The following ADAMTSL3 variants were observed in gnomAD, a reference collection of about 807,000 sequenced individuals.
The protein encoded by ADAMTSL3 is ADAMTS like 3.
ADAMTSL3 carries 128 observed loss-of-function variants against 201.7 expected under a neutral mutation model. The ratio of observed to expected loss-of-function variants is 0.63; its 90% CI spans 0.55 to 0.73. ADAMTSL3 has a LOEUF of 0.73. Among genes scored for constraint, ADAMTSL3 ranks in the 30% least tolerant of loss-of-function variants. The pLI, the probability that ADAMTSL3 is intolerant of heterozygous loss-of-function variation, is 0.00. For synonymous variants in ADAMTSL3, 738 were observed against 748.4 expected, an observed-to-expected ratio of 0.99 and a Z score of 0.23; for missense variants, 1,990 against 2,119.6, an observed-to-expected ratio of 0.94 and a Z score of 1.20.
chr15:83,703,188 C>T (rs567247850), intron 2 of ADAMTSL3, among the ~76,000 whole-genome samples: 1 of 152,278 alleles, frequency 6.6e-6, no homozygotes, highest in East Asian at 1.9e-4. Flanking sequence ...TATCCAATAC[C>T]TATACCCTCA....
chr15:83,861,698 C>G (rs1165713257), intron 8 of ADAMTSL3: 1 of 152,276 alleles, frequency 6.6e-6, no homozygotes, highest in Admixed American at 6.5e-5. Flanking sequence ...ACTGGAAACT[C>G]TAAAAATCAG....
At chr15:84,031,477 C>G in intron 28 of ADAMTSL3, 45 bp downstream of exon 28, 3 of 1,516,208 alleles carry the variant, frequency 2.0e-6, no homozygotes, top group Non-Finnish European at 1.8e-6. Flanking sequence ...TCCTGACTCA[C>G]TCAGGACAAT....
chr15:83,881,108 C>T (rs924917891), intron 9 of ADAMTSL3, among the ~76,000 whole-genome samples: 2 of 152,220 alleles, frequency 1.3e-5, no homozygotes, highest in African/African-American at 4.8e-5. Context: ...CAGTCTAACA[C>T]TCTTCCAACT....
chr15:83,741,436 A>T (rs74793148), intron 3 of ADAMTSL3, among the ~76,000 whole-genome samples: 1 of 151,916 alleles, frequency 6.6e-6, no homozygotes, highest in African/African-American at 2.4e-5. Context: ...TCAACATAGA[A>T]CACTACTAAA....
chr15:83,672,997 G>A (rs1018347996), intron 2 of ADAMTSL3, among the ~76,000 whole-genome samples: 27 of 152,216 alleles, frequency 1.8e-4, no homozygotes, highest in South Asian at 1.2e-3. Flanking sequence ...GAGCACTTAT[G>A]CTGCACCCTC....
chr15:83,969,677 C>A (rs1254720806), intron 19 of ADAMTSL3, among the ~76,000 whole-genome samples: 2 of 152,186 alleles, frequency 1.3e-5, no homozygotes, highest in African/African-American at 4.8e-5. Context: ...CTAAAATTGT[C>A]AAACTCATAG....
chr15:83,735,252 A>G (rs1204615645), intron 3 of ADAMTSL3, among the ~76,000 whole-genome samples: 2 of 152,150 alleles, frequency 1.3e-5, no homozygotes, highest in African/African-American at 4.8e-5. Context: ...AGCTCTCCAT[A>G]CTTACTACAG....
At chr15:83,724,794 A>G (rs749819022) in intron 3 of ADAMTSL3, among the ~76,000 whole-genome samples, 2 of 152,162 alleles carry the variant, frequency 1.3e-5, no homozygotes, top group Non-Finnish European at 2.9e-5. Flanking sequence ...ATAACTGAGA[A>G]CATGTGAAGT....
chr15:83,824,808 A>G (rs1242971685), intron 6 of ADAMTSL3: 1 of 152,136 alleles, frequency 6.6e-6, no homozygotes, highest in Non-Finnish European at 1.5e-5. Context: ...GTGTCTTTTC[A>G]TGGCTTGATA....
At chr15:83,977,005 A>G (rs150933694) in intron 20 of ADAMTSL3, among the ~76,000 whole-genome samples, 42 of 152,298 alleles carry the variant, frequency 2.8e-4, no homozygotes, top group African/African-American at 8.7e-4. Flanking sequence ...CCCCCAAGCC[A>G]TGGACGGATA....
At chr15:83,968,082 A>G (rs758319340) in intron 19 of ADAMTSL3, among the ~76,000 whole-genome samples, 7 of 152,226 alleles carry the variant, frequency 4.6e-5, no homozygotes, top group Non-Finnish European at 8.8e-5. Flanking sequence ...TAAAAACCCT[A>G]TAAGAAAAAC....
intron 2 of ADAMTSL3, among the ~76,000 whole-genome samples, chr15:83,691,599 G>GTTACAT (rs949670098): frequency 6.6e-6 from 1 of 152,116 alleles, no homozygotes; most frequent in Admixed American, 6.5e-5. Context: ...CCAAAACCAA[G>GTTACAT]TTACATTTTC....
intron 3 of ADAMTSL3, among the ~76,000 whole-genome samples, chr15:83,766,610 A>T (rs2062895976): frequency 6.6e-6 from 1 of 152,158 alleles, no homozygotes; most frequent in Non-Finnish European, 1.5e-5. Context: ...GCTGTATTTG[A>T]CTGGATTCCT....
intron 3 of ADAMTSL3, among the ~76,000 whole-genome samples, chr15:83,720,092 G>A (rs546065487): frequency 6.6e-6 from 1 of 152,276 alleles, no homozygotes; most frequent in East Asian, 1.9e-4. Flanking sequence ...GGTGGCTTAT[G>A]CCTGTAATCC....
chr15:83,827,080 T>C (rs1000358762), intron 6 of ADAMTSL3, among the ~76,000 whole-genome samples: 34 of 152,272 alleles, frequency 2.2e-4, no homozygotes, highest in East Asian at 1.2e-3. Context: ...CCTGAGGAAT[T>C]GCCACACTGA....
intron 4 of ADAMTSL3, among the ~76,000 whole-genome samples, chr15:83,784,122 A>G (rs2063221665): frequency 6.6e-6 from 1 of 152,120 alleles, no homozygotes; most frequent in African/African-American, 2.4e-5. Flanking sequence ...GCTTTCCTTC[A>G]TTTGGAGATA....
At position 83,870,928 on chromosome 15, in the gene ADAMTSL3, C is replaced by T; in HGVS notation, c.929C>T (p.Pro310Leu). ...RGSERQTFKI[P>L]GPLMADFIFK... is the part of the protein sequence containing the mutation. ...TCCGAGAGGCAAACTTTTAAGATTC[C>T]AGGACCTCTGATGGCTGATTTCATC... Residue 310 changes from proline (P) to leucine (L), a missense_variant, in exon 9 of 30, where the codon CCA (proline) becomes CTA (leucine). Pro to Leu is a moderately conservative substitution (Grantham distance 98). Coordinates refer to ENST00000286744, the MANE Select transcript of ADAMTSL3 (RefSeq NM_207517.3). 6.2e-7 allele frequency: 1 copy of T among 1,613,566 alleles called. No homozygotes were observed. Among genetic ancestry groups the T allele is most frequent in the South Asian group, 1.1e-5 (1 of 90,960 alleles).
At chr15:83,813,388 T>C (rs990243904) in intron 5 of ADAMTSL3, among the ~76,000 whole-genome samples, 7 of 152,218 alleles carry the variant, frequency 4.6e-5, no homozygotes, top group African/African-American at 1.2e-4. Flanking sequence ...CATTTCAGAA[T>C]TCTACCCACC....
chr15:83,663,581 AC>A (rs2061205567), intron 2 of ADAMTSL3, among the ~76,000 whole-genome samples: 1 of 152,146 alleles, frequency 6.6e-6, no homozygotes, highest in African/African-American at 2.4e-5. Context: ...CACTTGATAC[AC>A]ATTGTGGCCT....
Sources: allele counts gnomAD v4.1 joint callset (sites outside exome capture counted in the v4.1 genomes callset), GRCh38; gene constraint gnomAD v4.1.1; transcripts MANE v1.5; gene names NCBI Gene and HGNC (gene_info 2026-07-23, HGNC 2026-07-21).